NME5: variants seen among roughly 807,000 people sequenced by gnomAD.
The protein encoded by NME5 is nucleoside diphosphate kinase 5.
Under a neutral mutation model 21.6 loss-of-function variants are expected in NME5, and 18 were observed. The ratio of observed to expected loss-of-function variants is 0.83; its 90% confidence interval spans 0.58 to 1.24. The LOEUF (loss-of-function observed/expected upper bound fraction) is 1.24. NME5 is among the 50% of genes most tolerant of loss of function. The probability of loss-of-function intolerance (pLI) is 0.00; values close to 1 mark genes in which losing one functional copy is unlikely to be tolerated. For missense variants in NME5, 223 were observed against 255.4 expected, an observed-to-expected ratio of 0.87 and a Z score of 0.86; for synonymous variants, 70 against 80.6, an observed-to-expected ratio of 0.87 and a Z score of 0.71.
intron 1 of NME5, chr5:138,139,023 G>A (rs555791314): frequency 2.8e-6 from 1 of 351,838 alleles, no homozygotes; most frequent in East Asian, 6.8e-5. Flanking sequence ...ATGTCACCAA[G>A]GCAGGAAGGA....
chr5:138,136,903 A>T (rs1488157204), intron 2 of NME5, among the ~76,000 whole-genome samples: 1 of 151,984 alleles, frequency 6.6e-6, no homozygotes, highest in Admixed American at 6.6e-5. Context: ...TTGGCCTCCC[A>T]AAGTTTTGGG....
intron 2 of NME5, among the ~76,000 whole-genome samples, chr5:138,130,008 C>T (rs1461779410): frequency 2.0e-5 from 3 of 152,142 alleles, no homozygotes; most frequent in Admixed American, 6.5e-5. Context: ...ACAAATTTAT[C>T]GCATCTCCTT....
rs534142466 is a variant in NME5 at position 138,132,177 on chromosome 5, C to T, written c.130-2709G>A. Among the ~76,000 whole-genome samples, 18 of 152,198 alleles carry T rather than the reference C, an allele frequency of 1.2e-4. No homozygotes were observed. In the South Asian group the frequency reaches 1.9e-3, roughly 16 times the overall value. On this transcript the variant is annotated intron_variant, in intron 2 of 5. Coordinates refer to ENST00000265191, the MANE Select transcript of NME5 (RefSeq NM_003551.3). ...GAGTTCAACACCAGCCTGGGCCACA[C>T]GCAGAAACCCCGTCTCTACAAAAAA...
rs751704859 is a variant in NME5 at position 138,115,672 on chromosome 5, ATTT to A, written c.*6_*8del. On this transcript the variant is annotated 3_prime_UTR_variant, in exon 6 of 6. Transcript: ENST00000265191. ...TAGTTCATGATTTGTTCTTTCGAGG[ATTT>A]TTTTTTTAATAAGGTTCTTCTACAA... 2 of 1,423,608 alleles carry A rather than the reference ATTT, an allele frequency of 1.4e-6. No individual in the cohort carries two copies. Among genetic ancestry groups the A allele is most frequent in the Non-Finnish European group, 1.9e-6 (2 of 1,058,510 alleles). The allele number at this position is 1,423,608 out of a possible 1,614,324, so 88.2% of individuals were successfully genotyped here.
At chr5:138,126,510 C>CAAAAAAAAAAAAA (rs57938582) in intron 4 of NME5, among the ~76,000 whole-genome samples, 32 of 54,228 alleles carry the variant, frequency 5.9e-4, no homozygotes, top group Non-Finnish European at 7.8e-4. Context: ...GAATCTATCT[C>CAAAAAAAAAAAAA]AAAAAAAAAA....
chr5:138,131,367 G>A (rs1301642282), intron 2 of NME5, among the ~76,000 whole-genome samples: 4 of 150,996 alleles, frequency 2.6e-5, no homozygotes, highest in African/African-American at 2.4e-5. Context: ...GGCAACAAGA[G>A]TGAAACTCCG....
chr5:138,138,438 T>G, intron 2 of NME5: 1 of 433,332 alleles, frequency 2.3e-6, no homozygotes, highest in East Asian at 5.0e-5. Context: ...AGCCTGGGAC[T>G]TGGGGTAAAA....
intron 4 of NME5, among the ~76,000 whole-genome samples, chr5:138,125,873 C>A (rs1160132859): frequency 6.6e-6 from 1 of 152,188 alleles, no homozygotes; most frequent in Non-Finnish European, 1.5e-5. Flanking sequence ...TTCAGCCTCC[C>A]AAAGTGTTGT....
At position 138,139,347 on chromosome 5, in the gene NME5, A is replaced by G. The variant is rs1751818700; in HGVS notation, c.-6+24T>C. The G allele has an allele frequency of 1.2e-5, 12 of 985,828 alleles. No homozygotes were observed. In the South Asian group the frequency reaches 5.6e-4, roughly 46 times the overall value. The allele number at this position is 985,828 out of a possible 1,614,324, so 61.1% of individuals were successfully genotyped here. A position where few individuals can be genotyped will look rare whatever the true frequency, so the allele number is the denominator to read the frequency against. ...TCCGGGTTGCACCTGCAAATTCTGA[A>G]TTTGACCCTCTCTAAGTACTCACCT... On this transcript the variant is annotated intron_variant, in intron 1 of 5. Transcript: ENST00000265191.
chr5:138,120,366 TG>T (rs1486981516), intron 4 of NME5, among the ~76,000 whole-genome samples: 2 of 151,394 alleles, frequency 1.3e-5, no homozygotes, highest in Non-Finnish European at 2.9e-5. Context: ...TCTGAGTAGC[TG>T]GGACTACAGG....
intron 4 of NME5, among the ~76,000 whole-genome samples, chr5:138,119,192 A>G (rs1751229869): frequency 6.6e-6 from 1 of 151,352 alleles, no homozygotes; most frequent in South Asian, 2.1e-4. Context: ...ACACCCTGCT[A>G]ATTTTTGTAT....
chr5:138,137,620 C>A (rs1271356479), intron 2 of NME5, among the ~76,000 whole-genome samples: 2 of 151,180 alleles, frequency 1.3e-5, no homozygotes, highest in Non-Finnish European at 2.9e-5. Flanking sequence ...CCGCCATTTT[C>A]TCTTTATTTT....
intron 2 of NME5, among the ~76,000 whole-genome samples, chr5:138,136,951 A>G (rs1751712746): frequency 6.6e-6 from 1 of 151,684 alleles, no homozygotes; most frequent in Non-Finnish European, 1.5e-5. Context: ...CCTTGTTGAT[A>G]TAATCTTATC....
intron 2 of NME5, among the ~76,000 whole-genome samples, chr5:138,136,790 G>A (rs1751708084): frequency 6.6e-6 from 1 of 151,892 alleles, no homozygotes; most frequent in South Asian, 2.1e-4. Flanking sequence ...TTACAGGCAT[G>A]CGCCCCCACG....
chr5:138,130,293 G>A (rs1469875406), intron 2 of NME5, among the ~76,000 whole-genome samples: 1 of 151,824 alleles, frequency 6.6e-6, no homozygotes, highest in Non-Finnish European at 1.5e-5. Flanking sequence ...GTGGTGGTGT[G>A]CGCCTGTAGT....
At position 138,138,910 on chromosome 5, in the gene NME5, T is replaced by G. The variant is rs533148608; in HGVS notation, c.-5-125A>C. Reference sequence around the variant, plus strand: ...GAATAGCAATAGTAGGTACTTGATTTTATTAACTGATGAAGGTAGAAACTG... The same window carrying G: ...GAATAGCAATAGTAGGTACTTGATTGTATTAACTGATGAAGGTAGAAACTG... On this transcript the variant is annotated intron_variant, in intron 1 of 5. Coordinates refer to ENST00000265191, the MANE Select transcript of NME5 (RefSeq NM_003551.3). The G allele has an allele frequency of 1.8e-5, 15 of 856,570 alleles. No individual in the cohort carries two copies. In the East Asian group the frequency reaches 3.5e-4, roughly 20 times the overall value. The allele number at this position is 856,570 out of a possible 1,614,324, so 53.1% of individuals were successfully genotyped here.
chr5:138,132,834 G>A (rs1751599862), intron 2 of NME5, among the ~76,000 whole-genome samples: 1 of 152,072 alleles, frequency 6.6e-6, no homozygotes, highest in African/African-American at 2.4e-5. Context: ...AATTCATACA[G>A]CGATTAAATA....
chr5:138,122,984 A>C (rs1032415672), intron 4 of NME5: 4 of 151,996 alleles, frequency 2.6e-5, no homozygotes, highest in East Asian at 3.9e-4. Context: ...CTGGTCCCCC[A>C]AATTTTTTTT....
At chr5:138,134,291 T>C (rs1249075984) in intron 2 of NME5, among the ~76,000 whole-genome samples, 3 of 151,798 alleles carry the variant, frequency 2.0e-5, no homozygotes, top group Admixed American at 2.0e-4. Flanking sequence ...TTGCCCAGGC[T>C]GGAGTGCAGT....
Sources: gnomAD v4.1 joint callset for allele counts (sites outside exome capture counted in the v4.1 genomes callset) on GRCh38, gnomAD v4.1.1 for gene constraint, MANE v1.5 for transcripts, NCBI Gene and HGNC (gene_info 2026-07-23, HGNC 2026-07-21) for gene names.